Variants in ABCA13 observed in about 807,000 individuals in gnomAD.
ABCA13 encodes ATP binding cassette subfamily A member 13, also known as ATP-binding cassette sub-family A member 13.
In ABCA13, 476 loss-of-function variants were observed where a neutral mutation model predicts 478.7. The observed-to-expected ratio is 0.99, with a 90% CI of 0.92 to 1.07. The LOEUF (loss-of-function observed/expected upper bound fraction) is 1.07, where lower values mean the gene tolerates loss of function less well. Ranked by LOEUF, ABCA13 falls within the 50% of genes least tolerant of loss-of-function variation. ABCA13 has a pLI of 0.00. For synonymous variants in ABCA13, 2,252 were observed against 2,158.9 expected (o/e 1.04, Z -1.20); for missense variants, 6,060 against 5,910.6 (o/e 1.03, Z -0.83).
At chr7:48,589,013 G>T (rs546492852) in intron 57 of ABCA13, among the ~76,000 whole-genome samples, 1 of 152,196 alleles carries the variant, frequency 6.6e-6, no homozygotes, top group South Asian at 2.1e-4. Flanking sequence ...CCTGTTCAGT[G>T]CTTCTCCCCC....
intron 58 of ABCA13, among the ~76,000 whole-genome samples, chr7:48,595,520 T>C (rs1790191664): frequency 1.3e-5 from 2 of 152,226 alleles, no homozygotes; most frequent in African/African-American, 2.4e-5. Flanking sequence ...TTTTGCAAGC[T>C]AACAAATTTA....
At position 48,511,142 on chromosome 7, in the gene ABCA13, C is replaced by T; in HGVS notation, c.13583C>T (p.Thr4528Ile). ...GCCGTTATTGTCGCCTTCCAGTTAA[C>T]AGCTTTTACTTTCCGCAAGAACTTG... is the stretch of plus-strand genomic sequence containing the variant. Reference protein sequence around the residue: ...CVAVIVAFQLTAFTFRKNLAA... With the variant: ...CVAVIVAFQLIAFTFRKNLAA... The change falls in exon 51 of 62, where the codon ACA becomes ATA. Residue 4528 changes from threonine (T) to isoleucine (I), a missense_variant. This residue lies in a region of ABCA13 where 1,627 missense variants were observed against 1,571.0 expected (regional missense o/e 1.04). Transcript: ENST00000435803. 2 of 1,613,696 alleles carry T rather than the reference C, an allele frequency of 1.2e-6. No individual in the cohort carries two copies. Among genetic ancestry groups the T allele is most frequent in the East Asian group, 4.5e-5 (2 of 44,840 alleles).
At chr7:48,187,424 A>G (rs1009041557) in intron 1 of ABCA13, among the ~76,000 whole-genome samples, 7 of 151,828 alleles carry the variant, frequency 4.6e-5, no homozygotes, top group Admixed American at 6.6e-5. Flanking sequence ...AATCTTCTCT[A>G]TTTCAGGGAA....
At chr7:48,254,455 A>G (rs1793082991) in intron 15 of ABCA13, among the ~76,000 whole-genome samples, 1 of 151,992 alleles carries the variant, frequency 6.6e-6, no homozygotes, top group East Asian at 1.9e-4. Context: ...TTTTTTGTTA[A>G]GATAGGGTCT....
chr7:48,411,033 TTCTTTCTTTC>T (rs1412296536), intron 40 of ABCA13, among the ~76,000 whole-genome samples: 1 of 120,566 alleles, frequency 8.3e-6, no homozygotes, highest in East Asian at 2.5e-4. Flanking sequence ...CTTTCTTTCT[TTCTTTCTTTC>T]TTTCTTTTTC....
At position 48,274,722 on chromosome 7, in the gene ABCA13, A is replaced by C; in HGVS notation, c.5056A>C (p.Ser1686Arg). 1 of 1,613,994 alleles carries C rather than the reference A, an allele frequency of 6.2e-7. No homozygotes were observed. Among genetic ancestry groups the C allele is most frequent in the Non-Finnish European group, 8.5e-7 (1 of 1,179,860 alleles). The stretch of plus-strand genomic sequence containing the variant: ...TTTAGTGGATCAGCTTGAACAAGTT[A>C]GTGTAAACCTAATGGATTTCTTTAA... ...DLLVDQLEQV[S>R]VNLMDFFKNI... Residue 1686 changes from serine (S) to arginine (R), a missense_variant, in exon 17 of 62, where the codon AGT becomes CGT. Ser to Arg is a moderately radical substitution (Grantham distance 110). Transcript: ENST00000435803.
chr7:48,339,002 A>T (rs191526987), intron 29 of ABCA13, among the ~76,000 whole-genome samples: 1 of 152,310 alleles, frequency 6.6e-6, no homozygotes, highest in Admixed American at 6.5e-5. Context: ...TGCAGAGAAG[A>T]AGATGACCAT....
At chr7:48,521,064 T>TGCACACACAG (rs1483172002) in intron 53 of ABCA13, among the ~76,000 whole-genome samples, 1 of 150,082 alleles carries the variant, frequency 6.7e-6, no homozygotes, top group African/African-American at 2.5e-5. Flanking sequence ...TACACATGCA[T>TGCACACACAG]GCACACACAT....
Position 48,244,765 on chromosome 7 carries a change from A to C in ABCA13, c.1390+62A>C, listed in dbSNP as rs1791415808. 1.9e-5 allele frequency: 29 copies of C among 1,518,826 alleles called. No individual in the cohort carries two copies. The South Asian group carries it at 3.5e-4, about 18-fold the overall frequency. The allele number at this position is 1,518,826 out of a possible 1,614,324, so 94.1% of individuals were successfully genotyped here. A position where few individuals can be genotyped will look rare whatever the true frequency, so the allele number is the denominator to read the frequency against. On this transcript the variant is annotated intron_variant, in intron 11 of 61. Transcript: ENST00000435803. Reference sequence around the variant, plus strand: ...TAAGAGTAAATGTGAAATTTATTGGAAAATGGACTTGAAACTGCCTGACAC... The same window carrying C: ...TAAGAGTAAATGTGAAATTTATTGGCAAATGGACTTGAAACTGCCTGACAC...
At chr7:48,376,661 CTT>C in intron 35 of ABCA13, 89 bp downstream of exon 35, 4 of 1,385,616 alleles carry the variant, frequency 2.9e-6, no homozygotes, top group Non-Finnish European at 3.9e-6. Context: ...ATCACTTATT[CTT>C]TAAGGAAGAT....
intron 15 of ABCA13, among the ~76,000 whole-genome samples, chr7:48,254,690 T>G (rs574131223): frequency 6.6e-6 from 1 of 152,312 alleles, no homozygotes; most frequent in South Asian, 2.1e-4. Context: ...AGTCAGGAAT[T>G]AAACTATTTT....
intron 31 of ABCA13, among the ~76,000 whole-genome samples, chr7:48,352,701 A>G (rs1695266159): frequency 6.6e-6 from 1 of 152,068 alleles, no homozygotes; most frequent in Admixed American, 6.5e-5. Flanking sequence ...AATCAAGTGA[A>G]GTTTTAAATT....
At chr7:48,255,858 T>A (rs1385708449) in intron 15 of ABCA13, among the ~76,000 whole-genome samples, 1 of 152,208 alleles carries the variant, frequency 6.6e-6, no homozygotes, top group Non-Finnish European at 1.5e-5. Context: ...ATGGTAATTC[T>A]GTTTTCAGTT....
At chr7:48,532,873 G>GCTTA (rs1254540337) in intron 55 of ABCA13, among the ~76,000 whole-genome samples, 4 of 151,732 alleles carry the variant, frequency 2.6e-5, no homozygotes, top group African/African-American at 9.7e-5. Flanking sequence ...TTGTAATTGA[G>GCTTA]CTTATTTGAA....
chr7:48,614,157 T>C (rs1792310563), intron 58 of ABCA13, among the ~76,000 whole-genome samples: 1 of 151,010 alleles, frequency 6.6e-6, no homozygotes, highest in African/African-American at 2.4e-5. Context: ...TTCTTTTCTT[T>C]TCTTCCATGC....
intron 19 of ABCA13, among the ~76,000 whole-genome samples, chr7:48,284,966 C>T (rs79426003): frequency 0.022 from 3,345 of 152,222 alleles, 125 homozygotes; most frequent in African/African-American, 0.076. Flanking sequence ...ACTATATTTT[C>T]GTCATATCAC....
chr7:48,244,816 C>T, intron 11 of ABCA13, 113 bp downstream of exon 11: 1 of 1,336,664 alleles, frequency 7.5e-7, no homozygotes, highest in Non-Finnish European at 1.0e-6. Flanking sequence ...GATAACTTTG[C>T]TGGTGTCATA....
chr7:48,302,809 T>C (rs2117088), intron 23 of ABCA13, among the ~76,000 whole-genome samples: 5 of 151,960 alleles, frequency 3.3e-5, no homozygotes, highest in Admixed American at 1.3e-4. Context: ...TGAACATACA[T>C]GTGTAGGTAT....
At chr7:48,602,434 C>T (rs148968788) in intron 58 of ABCA13, among the ~76,000 whole-genome samples, 6,402 of 152,214 alleles carry the variant, frequency 0.042, 435 homozygotes, top group African/African-American at 0.15. Flanking sequence ...TTTCAGCTTT[C>T]TGCATATAGC....
Sources: allele counts gnomAD v4.1 joint callset (sites outside exome capture counted in the v4.1 genomes callset), GRCh38; gene constraint gnomAD v4.1.1; regional missense constraint gnomAD v4.1.1; transcripts MANE v1.5; gene names NCBI Gene and HGNC (gene_info 2026-07-23, HGNC 2026-07-21).